Variants in GRIP1 observed in about 807,000 individuals in gnomAD.
The protein encoded by GRIP1 is glutamate receptor-interacting protein 1.
GRIP1 carries 45 observed loss-of-function variants against 129.9 expected under a neutral mutation model. That is an observed-to-expected ratio of 0.35 (90% confidence interval 0.27 to 0.44). GRIP1 has a LOEUF of 0.44. GRIP1 is among the 20% of genes least tolerant of loss of function. The pLI is 1.00. For synonymous variants in GRIP1, 530 were observed against 520.8 expected, an observed-to-expected ratio of 1.02 and a Z score of -0.24; for missense variants, 1,196 against 1,396.8, an observed-to-expected ratio of 0.86 and a Z score of 2.29.
upstream of GRIP1, among the ~76,000 whole-genome samples, chr12:66,680,624 C>A (rs1171743878): frequency 2.0e-5 from 3 of 146,684 alleles, no homozygotes; most frequent in Non-Finnish European, 4.6e-5. Context: ...AATAGTTTAG[C>A]CTCCTTGATA....
chr12:66,959,939 A>T lies in GRIP1; in HGVS notation c.58+109111T>A, dbSNP rs115967524. On this transcript the variant is annotated intron_variant, in intron 1 of 1. Transcript: ENST00000643019. The stretch of plus-strand genomic sequence containing the variant: ...AAAATTTCAAATGAGGAGAGAAAAA[A>T]ATATATATATATCCTTAAGTGTAGA... Among the ~76,000 whole-genome samples, 614 of 152,100 alleles carry T rather than the reference A, an allele frequency of 4.0e-3. 4 individuals carry two copies. The highest frequency in any genetic ancestry group is 0.013 in the African/African-American group (560 of 41,510).
chr12:66,996,774 TC>T (rs1193472234), intron 1 of GRIP1, among the ~76,000 whole-genome samples: 9 of 152,234 alleles, frequency 5.9e-5, no homozygotes, highest in Non-Finnish European at 8.8e-5. Context: ...ATTATGTGGA[TC>T]CCCCTCACCC....
intron 1 of GRIP1, among the ~76,000 whole-genome samples, chr12:67,058,150 T>C (rs2043469938): frequency 6.6e-6 from 1 of 152,228 alleles, no homozygotes; most frequent in Non-Finnish European, 1.5e-5. Flanking sequence ...ACAGATTATA[T>C]ACCAGAATAA....
intron 1 of GRIP1, among the ~76,000 whole-genome samples, chr12:66,749,107 T>C (rs1328519273): frequency 6.6e-6 from 1 of 152,208 alleles, no homozygotes; most frequent in Admixed American, 6.5e-5. Flanking sequence ...ACTCTTCTTT[T>C]ATAGAACCCC....
chr12:66,482,076 A>T (rs2059822308), intron 7 of GRIP1, among the ~76,000 whole-genome samples: 8 of 152,182 alleles, frequency 5.3e-5, no homozygotes, highest in Admixed American at 5.2e-4. Context: ...CTGCACATGT[A>T]TCCCAGAACT....
At chr12:66,940,260 C>A (rs2041562882) in intron 1 of GRIP1, among the ~76,000 whole-genome samples, 1 of 152,114 alleles carries the variant, frequency 6.6e-6, no homozygotes, top group Non-Finnish European at 1.5e-5. Context: ...AATTTGGGAT[C>A]TTGGGCAAGT....
chr12:66,570,098 G>GT (rs1401343061), intron 2 of GRIP1, among the ~76,000 whole-genome samples: 7 of 125,904 alleles, frequency 5.6e-5, no homozygotes, highest in African/African-American at 2.1e-4. Flanking sequence ...TAGTTTGTAG[G>GT]CATTGCATGT....
chr12:66,998,455 C>A (rs1356432355), intron 1 of GRIP1, among the ~76,000 whole-genome samples: 1 of 151,948 alleles, frequency 6.6e-6, no homozygotes, highest in South Asian at 2.1e-4. Context: ...TGCATACAAC[C>A]CTCCTGGCTA....
At chr12:66,496,344 C>T (rs1009058638) in intron 7 of GRIP1, among the ~76,000 whole-genome samples, 6 of 152,100 alleles carry the variant, frequency 3.9e-5, no homozygotes, top group African/African-American at 1.4e-4. Context: ...CACAGAACAC[C>T]CAGCTTTCGA....
intron 1 of GRIP1, among the ~76,000 whole-genome samples, chr12:66,615,629 A>G (rs894065390): frequency 6.6e-6 from 1 of 152,192 alleles, no homozygotes; most frequent in Non-Finnish European, 1.5e-5. Flanking sequence ...ATAAATGGCA[A>G]ACTTTTAAAA....
intron 13 of GRIP1, 106 bp downstream of exon 13, chr12:66,444,478 G>A: frequency 1.1e-6 from 1 of 933,104 alleles, no homozygotes; most frequent in Non-Finnish European, 1.6e-6. Flanking sequence ...GGGCGACAGA[G>A]CGAGACTCCG....
At chr12:66,718,800 C>A (rs1360982981) in intron 1 of GRIP1, among the ~76,000 whole-genome samples, 1 of 151,960 alleles carries the variant, frequency 6.6e-6, no homozygotes, top group Non-Finnish European at 1.5e-5. Context: ...TCCACTGAGT[C>A]AAGATTATGC....
At chr12:67,036,863 CT>C (rs1203985309) in intron 1 of GRIP1, among the ~76,000 whole-genome samples, 2 of 152,074 alleles carry the variant, frequency 1.3e-5, no homozygotes, top group Non-Finnish European at 2.9e-5. Flanking sequence ...CCTCCTGCCC[CT>C]ATACTTCTTC....
chr12:66,461,102 T>A (rs149522018), intron 9 of GRIP1, among the ~76,000 whole-genome samples: 1 of 152,316 alleles, frequency 6.6e-6, no homozygotes. Context: ...AGGCAAAAAA[T>A]TTGTGCTTAG....
chr12:66,677,870 A>T (rs1237718520), intron 1 of GRIP1, among the ~76,000 whole-genome samples: 1 of 152,228 alleles, frequency 6.6e-6, no homozygotes, highest in Non-Finnish European at 1.5e-5. Context: ...ATCCATTAAC[A>T]TATTTATAGG....
chr12:66,959,603 A>C (rs779312904), intron 1 of GRIP1, among the ~76,000 whole-genome samples: 2 of 152,196 alleles, frequency 1.3e-5, no homozygotes, highest in African/African-American at 2.4e-5. Flanking sequence ...ATCTTGATAC[A>C]TTGTAAAGAA....
intron 1 of GRIP1, among the ~76,000 whole-genome samples, chr12:66,719,369 T>C (rs10878498): frequency 0.057 from 8,617 of 152,246 alleles, 344 homozygotes; most frequent in East Asian, 0.19. Context: ...AGATGAGAGA[T>C]CTTCCATCCC....
At chr12:66,460,512 C>T (rs1397664348) in intron 9 of GRIP1, among the ~76,000 whole-genome samples, 1 of 152,182 alleles carries the variant, frequency 6.6e-6, no homozygotes, top group Non-Finnish European at 1.5e-5. Flanking sequence ...TTCCTTCAAT[C>T]CAATTATGTC....
chr12:66,498,159 G>C (rs2060288881), intron 7 of GRIP1, among the ~76,000 whole-genome samples: 1 of 152,160 alleles, frequency 6.6e-6, no homozygotes, highest in African/African-American at 2.4e-5. Flanking sequence ...CCTGCACCCA[G>C]GTGAAATAAA....
Sources: gnomAD v4.1 joint callset for allele counts (sites outside exome capture counted in the v4.1 genomes callset) on GRCh38, gnomAD v4.1.1 for gene constraint, MANE v1.5 for transcripts, NCBI Gene and HGNC (gene_info 2026-07-23, HGNC 2026-07-21) for gene names.